Variants in PCDHA10 observed in about 807,000 individuals in gnomAD.
PCDHA10 encodes protocadherin alpha-10.
PCDHA10 carries 45 observed loss-of-function variants against 61.2 expected under a neutral mutation model. That is an observed-to-expected ratio of 0.74 (90% CI 0.58 to 0.94). The LOEUF (loss-of-function observed/expected upper bound fraction) is 0.94. PCDHA10 is among the 40% of genes least tolerant of loss of function. The pLI is 0.00. For synonymous variants in PCDHA10, 602 were observed against 548.8 expected (o/e 1.10, Z -1.35); for missense variants, 1,278 against 1,236.2 (o/e 1.03, Z -0.51).
Position 140,884,639 on chromosome 5 carries a change from G to A in PCDHA10, c.2388+26203G>A, listed in dbSNP as rs781835096. ...TGCAGAGGGAACAGGCCAGAGGGAG[G>A]AGGACTCAGAATGCTTGAAAGAGGT... On this transcript the variant is annotated intron_variant, in intron 1 of 3. Coordinates refer to ENST00000307360, the MANE Select transcript of PCDHA10 (RefSeq NM_018901.4). 55 of 1,610,606 alleles carry A rather than the reference G, an allele frequency of 3.4e-5. No homozygotes were observed. The South Asian group carries it at 5.6e-4, about 16-fold the overall frequency.
Position 140,856,972 on chromosome 5 carries a change from C to T in PCDHA10, c.924C>T (p.Asp308=). The T allele has an allele frequency of 6.3e-7, 1 of 1,594,490 alleles. No homozygotes were observed. Among genetic ancestry groups the T allele is most frequent in the Non-Finnish European group, 8.6e-7 (1 of 1,164,436 alleles). Residue 308 remains aspartate, a synonymous_variant, in exon 1 of 4, where the codon GAC becomes GAT. Transcript: ENST00000307360. Reference sequence around the variant, plus strand: ...AAATAAAAGTAAATGATGCTATTGACTTTGAGGACAGTAACACTTATGAAA... The same window carrying T: ...AAATAAAAGTAAATGATGCTATTGATTTTGAGGACAGTAACACTTATGAAA... ...TGEIKVNDAI[D]FEDSNTYEIH... is the part of the protein sequence containing the mutation.
At chr5:140,940,616 G>A (rs1554213527) in intron 1 of PCDHA10, among the ~76,000 whole-genome samples, 3 of 152,002 alleles carry the variant, frequency 2.0e-5, no homozygotes, top group Non-Finnish European at 4.4e-5. Flanking sequence ...CCTGGCTCCT[G>A]CAAATATTCT....
At chr5:140,993,569 A>G (rs1311165766) in intron 3 of PCDHA10, among the ~76,000 whole-genome samples, 1 of 151,734 alleles carries the variant, frequency 6.6e-6, no homozygotes, top group East Asian at 1.9e-4. Flanking sequence ...TATCCTTTCT[A>G]GGGATGCTTT....
chr5:140,888,355 T>C (rs1192266455), intron 1 of PCDHA10, among the ~76,000 whole-genome samples: 1 of 152,214 alleles, frequency 6.6e-6, no homozygotes, highest in Non-Finnish European at 1.5e-5. Context: ...GAATTGCTAC[T>C]GGCATCTAAT....
chr5:140,998,910 A>T (rs1346967203), intron 3 of PCDHA10, among the ~76,000 whole-genome samples: 1 of 152,230 alleles, frequency 6.6e-6, no homozygotes, highest in South Asian at 2.1e-4. Context: ...TCCGGGAGGT[A>T]GCTATTATAT....
At chr5:141,002,052 G>GGCA (rs1217531547) in intron 3 of PCDHA10, among the ~76,000 whole-genome samples, 1 of 152,206 alleles carries the variant, frequency 6.6e-6, no homozygotes, top group Non-Finnish European at 1.5e-5. Flanking sequence ...GGCATCCAGA[G>GGCA]GCAGCAGCAG....
chr5:140,862,289 G>T (rs782742229), intron 1 of PCDHA10: 4 of 264,626 alleles, frequency 1.5e-5, no homozygotes, highest in Non-Finnish European at 3.0e-5. Context: ...TGTACAGGAG[G>T]ACGCTCCACT....
chr5:141,006,794 A>G (rs1416356472), intron 3 of PCDHA10, among the ~76,000 whole-genome samples: 1 of 152,160 alleles, frequency 6.6e-6, no homozygotes, highest in African/African-American at 2.4e-5. Context: ...ATTAGCTTTG[A>G]ACTTTCTGGC....
chr5:140,978,702 T>G (rs1200035752), intron 1 of PCDHA10, among the ~76,000 whole-genome samples: 2 of 152,252 alleles, frequency 1.3e-5, no homozygotes, highest in Non-Finnish European at 2.9e-5. Context: ...AAGCCAAAGG[T>G]GGCCTTTACA....
rs564306575 is a variant in PCDHA10, at chr5:140,927,833, A to G, written c.2389-51116A>G. On this transcript the variant is annotated intron_variant, in intron 1 of 3. Coordinates refer to ENST00000307360, the MANE Select transcript of PCDHA10 (RefSeq NM_018901.4). Reference sequence around the variant, plus strand: ...TTGGAGGCATACATTGAGGCGAGGGACGAAGGTGTCTTTGGTTTAGCTAGC... The same window carrying G: ...TTGGAGGCATACATTGAGGCGAGGGGCGAAGGTGTCTTTGGTTTAGCTAGC... 5.0e-6 allele frequency: 8 copies of G among 1,614,044 alleles called. No individual in the cohort carries two copies. Among genetic ancestry groups the G allele is most frequent in the African/African-American group, 4.0e-5 (3 of 74,914 alleles).
chr5:140,884,327 G>A (rs1400364790), intron 1 of PCDHA10: 1 of 1,613,894 alleles, frequency 6.2e-7, no homozygotes, highest in Non-Finnish European at 8.5e-7. Context: ...GGCAGGCGCT[G>A]TGGGTCCAGA....
At chr5:140,873,336 C>A (rs1436932142) in intron 1 of PCDHA10, among the ~76,000 whole-genome samples, 1 of 152,168 alleles carries the variant, frequency 6.6e-6, no homozygotes, top group African/African-American at 2.4e-5. Flanking sequence ...ATACATTACT[C>A]ATCTCCAGAT....
In PCDHA10 at chr5:140,870,873, G is replaced by A. The variant is rs782065354; in HGVS notation, c.2388+12437G>A. 5 of 1,613,840 alleles carry A rather than the reference G, an allele frequency of 3.1e-6. No individual in the cohort carries two copies. The Admixed American group carries it at 5.0e-5, about 16-fold the overall frequency. On this transcript the variant is annotated intron_variant, in intron 1 of 3. Transcript: ENST00000307360. ...GGTCGGTGGGTGCGGGCCACGTGGTGGCGAAGGTGCGCGCAGTGGATGCGG... is the reference window on the plus strand; with the variant it reads ...GGTCGGTGGGTGCGGGCCACGTGGTAGCGAAGGTGCGCGCAGTGGATGCGG...
intron 1 of PCDHA10, among the ~76,000 whole-genome samples, chr5:140,936,326 AT>A: frequency 6.6e-6 from 1 of 152,256 alleles, no homozygotes; most frequent in South Asian, 2.1e-4. Flanking sequence ...CATGCTATAA[AT>A]TTTCTCTATC....
chr5:140,982,380 C>G, intron 2 of PCDHA10, 95 bp from the exon 3 acceptor site: 1 of 1,577,206 alleles, frequency 6.3e-7, no homozygotes, highest in Non-Finnish European at 8.6e-7. Flanking sequence ...AGCTGCAGCC[C>G]TGGCTTCATA....
intron 2 of PCDHA10, among the ~76,000 whole-genome samples, chr5:140,981,687 ATCATTCAT>A (rs200213847): frequency 3.3e-5 from 5 of 151,972 alleles, no homozygotes; most frequent in South Asian, 2.1e-4. Flanking sequence ...CCTCCCTTCC[ATCATTCAT>A]TCATTCATTC....
Position 140,856,210 on chromosome 5 carries a change from G to C in PCDHA10, c.162G>C (p.Glu54Asp), listed in dbSNP as rs556174610. The change falls in exon 1 of 4, where the codon GAG becomes GAC. Residue 54 changes from glutamate (E) to aspartate (D), a missense_variant. Coordinates refer to ENST00000307360, the MANE Select transcript of PCDHA10 (RefSeq NM_018901.4). ...VGRIAQDLGL[E>D]LAELVQRLFR... The stretch of plus-strand genomic sequence containing the variant: ...GCATCGCGCAGGACCTGGGGCTGGA[G>C]CTGGCGGAGCTGGTGCAGCGCCTGT... 6.3e-7 allele frequency: 1 copy of C among 1,598,116 alleles called. No homozygotes were observed. Among genetic ancestry groups the C allele is most frequent in the African/African-American group, 1.3e-5 (1 of 74,432 alleles).
intron 1 of PCDHA10, chr5:140,869,485 G>A: frequency 6.2e-7 from 1 of 1,614,158 alleles, no homozygotes; most frequent in Non-Finnish European, 8.5e-7. Context: ...GGACATTAAC[G>A]ACAACCCGCC....
At chr5:140,873,665 A>G (rs1554166831) in intron 1 of PCDHA10, among the ~76,000 whole-genome samples, 1 of 152,034 alleles carries the variant, frequency 6.6e-6, no homozygotes. Flanking sequence ...CACTATTATT[A>G]TTTGTTTCTT....
Sources: allele counts gnomAD v4.1 joint callset (sites outside exome capture counted in the v4.1 genomes callset), GRCh38; gene constraint gnomAD v4.1.1; transcripts MANE v1.5; gene names NCBI Gene and HGNC (gene_info 2026-07-23, HGNC 2026-07-21).